The following TSPAN14 variants were observed in gnomAD, a reference collection of about 807,000 sequenced individuals.
The protein encoded by TSPAN14 is tetraspanin-14.
TSPAN14 carries 16 observed loss-of-function variants against 36.6 expected under a neutral mutation model. That is an observed-to-expected ratio of 0.44 (90% CI 0.30 to 0.66). The LOEUF (loss-of-function observed/expected upper bound fraction) is 0.66. Among genes scored for constraint, TSPAN14 ranks in the 30% least tolerant of loss-of-function variants. The probability of loss-of-function intolerance (pLI) is 0.12; values close to 1 mark genes in which losing one functional copy is unlikely to be tolerated. For missense variants in TSPAN14, 231 were observed against 355.1 expected (o/e 0.65, Z 2.81); for synonymous variants, 139 against 143.8 (o/e 0.97, Z 0.24).
intron 2 of TSPAN14, among the ~76,000 whole-genome samples, chr10:80,497,562 T>C (rs1848261911): frequency 6.6e-6 from 1 of 152,222 alleles, no homozygotes; most frequent in African/African-American, 2.4e-5. Context: ...ACCACTGCCT[T>C]AGTATCTTGA....
At chr10:80,521,817 C>T (rs538814267) in exon 9 of TSPAN14, 137 of 149,448 alleles carry the variant, frequency 9.2e-4, no homozygotes, top group African/African-American at 3.0e-3. Context: ...CCAGCTACTC[C>T]GGAGGCTGAG....
chr10:80,467,563 C>G (rs1193604255), intron 1 of TSPAN14, among the ~76,000 whole-genome samples: 1 of 152,098 alleles, frequency 6.6e-6, no homozygotes, highest in African/African-American at 2.4e-5. Flanking sequence ...TAATCTAACT[C>G]CAAAATGGTT....
exon 8 of TSPAN14, chr10:80,516,305 C>G (rs72821609): frequency 6.2e-7 from 1 of 1,614,232 alleles, no homozygotes; most frequent in African/African-American, 1.3e-5. Context: ...GCGTCTTCAT[C>G]GCCATCTCGC....
chr10:80,484,423 C>T (rs1269943891), intron 1 of TSPAN14, among the ~76,000 whole-genome samples: 1 of 152,102 alleles, frequency 6.6e-6, no homozygotes, highest in Admixed American at 6.6e-5. Flanking sequence ...CTCCCAGGCT[C>T]AAGCGATTAT....
chr10:80,480,373 G>A (rs550870956), intron 1 of TSPAN14, among the ~76,000 whole-genome samples: 6 of 152,246 alleles, frequency 3.9e-5, no homozygotes, highest in South Asian at 2.1e-4. Flanking sequence ...TCAGTGTGGC[G>A]ATTCCTCAGA....
At chr10:80,481,964 A>G (rs1190581924) in intron 1 of TSPAN14, among the ~76,000 whole-genome samples, 1 of 152,138 alleles carries the variant, frequency 6.6e-6, no homozygotes, top group Non-Finnish European at 1.5e-5. Flanking sequence ...CATGTTAGCC[A>G]GGATGGTCTC....
chr10:80,475,850 G>T (rs575796486), intron 1 of TSPAN14, among the ~76,000 whole-genome samples: 1 of 152,146 alleles, frequency 6.6e-6, no homozygotes, highest in Non-Finnish European at 1.5e-5. Context: ...CTCCCAGAGT[G>T]CTGGGATTAC....
chr10:80,483,549 T>TCATCTG, intron 1 of TSPAN14, among the ~76,000 whole-genome samples: 1 of 152,284 alleles, frequency 6.6e-6, no homozygotes, highest in Middle Eastern at 3.4e-3. Context: ...AGTAACCGTT[T>TCATCTG]CATCTGCTGC....
chr10:80,522,531 T>G (rs546109055), exon 9 of TSPAN14: 1 of 152,064 alleles, frequency 6.6e-6, no homozygotes, highest in Admixed American at 6.6e-5. Context: ...AAAAAAAAAC[T>G]ACTACAATAA....
At chr10:80,512,859 A>G (rs1365037982) in intron 6 of TSPAN14, among the ~76,000 whole-genome samples, 1 of 148,480 alleles carries the variant, frequency 6.7e-6, no homozygotes, top group African/African-American at 2.6e-5. Flanking sequence ...ACACCCGGCT[A>G]ATTATTTTCT....
intron 1 of TSPAN14, among the ~76,000 whole-genome samples, chr10:80,455,536 C>T (rs1408685105): frequency 6.6e-6 from 1 of 152,120 alleles, no homozygotes; most frequent in African/African-American, 2.4e-5. Context: ...TCCCCTTGCC[C>T]CTTGACCTTG....
intron 1 of TSPAN14, among the ~76,000 whole-genome samples, chr10:80,470,250 A>C (rs991263956): frequency 6.6e-6 from 1 of 152,062 alleles, no homozygotes; most frequent in Non-Finnish European, 1.5e-5. Context: ...CAGGCCTGCT[A>C]ATTTTTCTAT....
At chr10:80,519,689 GGTAAA>G (rs1469919008) in exon 9 of TSPAN14, 2 of 152,356 alleles carry the variant, frequency 1.3e-5, no homozygotes, top group Admixed American at 1.3e-4. Flanking sequence ...GCATCTCAGT[GGTAAA>G]CGCGGCTGCC....
chr10:80,517,650 T>A (rs1841007009), intron 8 of TSPAN14, among the ~76,000 whole-genome samples: 1 of 152,218 alleles, frequency 6.6e-6, no homozygotes, highest in Non-Finnish European at 1.5e-5. Flanking sequence ...ACAGAGTGTC[T>A]GTTTTGCTTG....
Position 80,513,899 on chromosome 10 carries a change from A to G in TSPAN14, c.577-120A>G, listed in dbSNP as rs1339216150. 9 of 813,192 alleles carry G rather than the reference A, an allele frequency of 1.1e-5. No homozygotes were observed. In the East Asian group the frequency reaches 2.4e-4, roughly 22 times the overall value. The allele number at this position is 813,192 out of a possible 1,614,324, so 50.4% of individuals were successfully genotyped here. On this transcript the variant is annotated intron_variant, in intron 6 of 8. Coordinates refer to ENST00000429989, the Ensembl canonical transcript of TSPAN14. ...TTAGTTGGTGGCATGATTGAAGGAC[A>G]TGAGCTGTAATGGAATTTGCACAAA... is the stretch of plus-strand genomic sequence containing the variant.
intron 1 of TSPAN14, among the ~76,000 whole-genome samples, chr10:80,477,854 G>T (rs1403534035): frequency 3.3e-5 from 5 of 152,124 alleles, no homozygotes; most frequent in Non-Finnish European, 7.4e-5. Context: ...TTGACAGCCA[G>T]GCCCTTATAG....
At chr10:80,491,293 A>T (rs7093808) in intron 2 of TSPAN14, among the ~76,000 whole-genome samples, 40,185 of 151,964 alleles carry the variant, frequency 0.26, 5,631 homozygotes, top group South Asian at 0.34. Context: ...CTCCATCCTC[A>T]TGATGTATGG....
At chr10:80,479,228 C>T (rs1564720666) in intron 1 of TSPAN14, among the ~76,000 whole-genome samples, 1 of 151,150 alleles carries the variant, frequency 6.6e-6, no homozygotes, top group Non-Finnish European at 1.5e-5. Context: ...AAAATTTTCT[C>T]CCATTTTGTA....
intron 1 of TSPAN14, among the ~76,000 whole-genome samples, chr10:80,488,138 G>A (rs921077825): frequency 2.0e-5 from 3 of 152,274 alleles, no homozygotes; most frequent in Middle Eastern, 3.4e-3. Context: ...GAAGTGGGGG[G>A]TGAGCAGGGG....
Sources: allele counts gnomAD v4.1 joint callset (sites outside exome capture counted in the v4.1 genomes callset), GRCh38; gene constraint gnomAD v4.1.1; transcripts MANE v1.5; gene names NCBI Gene and HGNC (gene_info 2026-07-23, HGNC 2026-07-21).